Variants in UNK observed in about 807,000 individuals in gnomAD.
UNK encodes the protein unk zinc finger.
A neutral mutation model predicts 97.6 loss-of-function variants in UNK; 32 were observed. The observed-to-expected ratio is 0.33, with a 90% CI of 0.25 to 0.44. The LOEUF is 0.44. Among genes scored for constraint, UNK ranks in the 20% least tolerant of loss-of-function variants. The pLI is 1.00. For missense variants in UNK, 771 were observed against 1,098.4 expected (o/e 0.70, Z 4.21); for synonymous variants, 441 against 461.2 (o/e 0.96, Z 0.56).
chr17:75,791,833 ACAAAGACT>A, intron 1 of UNK: 1 of 985,432 alleles, frequency 1.0e-6, no homozygotes, highest in Non-Finnish European at 1.2e-6. Context: ...CTATCATCCT[ACAAAGACT>A]GTGACTTATT....
At position 75,818,849 on chromosome 17, in the gene UNK, A is replaced by G; in HGVS notation, c.1546+33A>G. 6.5e-7 allele frequency: 1 copy of G among 1,534,526 alleles called. No homozygotes were observed. The highest frequency in any genetic ancestry group is 8.8e-7 in the Non-Finnish European group (1 of 1,136,518). On this transcript the variant is annotated intron_variant, in intron 11 of 15. Coordinates refer to ENST00000589666, the MANE Select transcript of UNK (RefSeq NM_001080419.3). The surrounding 1 kb of genome is among the most constrained non-coding windows in gnomAD (Gnocchi z 5.1). ...GGCCATTTCTGTTTGAAAGCCCAGGACTGGGTCTGGGGTCAGAGACCCCCC... is the reference window on the plus strand; with the variant it reads ...GGCCATTTCTGTTTGAAAGCCCAGGGCTGGGTCTGGGGTCAGAGACCCCCC...
intron 6 of UNK, among the ~76,000 whole-genome samples, chr17:75,814,336 A>G (rs1404970216): frequency 2.0e-5 from 3 of 151,932 alleles, no homozygotes; most frequent in Admixed American, 2.0e-4. Context: ...TACTAAATGT[A>G]CAAAAATTAG....
chr17:75,816,388 C>T lies in UNK; in HGVS notation c.962-382C>T, dbSNP rs1021922846. On this transcript the variant is annotated intron_variant, in intron 7 of 15. Transcript: ENST00000589666. This position sits in a 1 kb window ranked among gnomAD's most constrained non-coding sequence, Gnocchi z 4.0. ...GGTCCCCGGCCATGGGCATTGGGACCGCCTGGCTGAGACGGCATAAGGAAG... is the reference window on the plus strand; with the variant it reads ...GGTCCCCGGCCATGGGCATTGGGACTGCCTGGCTGAGACGGCATAAGGAAG... 6.6e-6 allele frequency among the ~76,000 whole-genome samples: 1 copy of T among 152,160 alleles called. No homozygotes were observed. The highest frequency in any genetic ancestry group is 1.5e-5 in the Non-Finnish European group (1 of 68,036).
chr17:75,791,336 C>T (rs1013014484), intron 1 of UNK, among the ~76,000 whole-genome samples: 12 of 152,188 alleles, frequency 7.9e-5, no homozygotes, highest in Admixed American at 3.3e-4. Context: ...TTATGTATTA[C>T]GTAAATGTCA....
chr17:75,785,033 C>G (rs2061693925), intron 1 of UNK, 49 bp downstream of exon 1: 2 of 1,300,530 alleles, frequency 1.5e-6, no homozygotes, highest in East Asian at 6.1e-5. Flanking sequence ...CTGACGTCAG[C>G]GGCCAGCGTG....
intron 1 of UNK, among the ~76,000 whole-genome samples, chr17:75,796,545 T>G (rs2143699562): frequency 6.6e-6 from 1 of 152,324 alleles, no homozygotes; most frequent in East Asian, 1.9e-4. Flanking sequence ...CAGGCTGGTC[T>G]GGAACTTCTG....
Position 75,818,788 on chromosome 17 carries a change from C to A in UNK, c.1518C>A (p.Pro506=). The change falls in exon 11 of 16, where the codon CCC becomes CCA. Residue 506 remains proline (P), a synonymous_variant. Transcript: ENST00000589666. The surrounding 1 kb of genome is among the most constrained non-coding windows in gnomAD (Gnocchi z 5.1). ...GMNANALPFY[P]TSDTVESVIE... ...ATGCAAACGCTCTGCCCTTCTACCC[C>A]ACCAGCGACACGGTAGAGTCAGTCA... The A allele has an allele frequency of 6.2e-7, 1 of 1,610,456 alleles. No homozygotes were observed. Among genetic ancestry groups the A allele is most frequent in the Non-Finnish European group, 8.5e-7 (1 of 1,178,062 alleles).
At chr17:75,799,863 T>C (rs2061839508) in intron 1 of UNK, among the ~76,000 whole-genome samples, 1 of 152,050 alleles carries the variant, frequency 6.6e-6, no homozygotes, top group South Asian at 2.1e-4. Flanking sequence ...AGGTCACCTG[T>C]AATCCCAGCA....
At chr17:75,821,005 G>A (rs2143825020) in intron 13 of UNK, among the ~76,000 whole-genome samples, 1 of 151,358 alleles carries the variant, frequency 6.6e-6, no homozygotes, top group East Asian at 1.9e-4. Flanking sequence ...AGCTTTAGGT[G>A]CTTGGTGTTG....
Position 75,819,636 on chromosome 17 carries a change from G to A in UNK, c.1547-48G>A, listed in dbSNP as rs923569068. On this transcript the variant is annotated intron_variant, in intron 11 of 15. Transcript: ENST00000589666. The surrounding 1 kb of genome is among the most constrained non-coding windows in gnomAD (Gnocchi z 5.4). ...GTGGGCAGTAGACGAGGTGGTCAGGGTCAGATAGTCCCTCGGGAGGTCACA... is the reference window on the plus strand; with the variant it reads ...GTGGGCAGTAGACGAGGTGGTCAGGATCAGATAGTCCCTCGGGAGGTCACA... 1.3e-6 allele frequency: 2 copies of A among 1,580,024 alleles called. No individual in the cohort carries two copies. The highest frequency in any genetic ancestry group is 1.3e-5 in the African/African-American group (1 of 74,264).
chr17:75,793,705 T>G (rs2061781497), intron 1 of UNK: 1 of 985,340 alleles, frequency 1.0e-6, no homozygotes, highest in Non-Finnish European at 1.2e-6. Context: ...ATAAGTTGAC[T>G]CATTTGTTTC....
chr17:75,821,542 C>A (rs1384146290), intron 13 of UNK: 1 of 450,308 alleles, frequency 2.2e-6, no homozygotes, highest in Admixed American at 2.4e-5. Flanking sequence ...ATGGCTCAGA[C>A]AGTGCATGCC....
At chr17:75,805,681 C>G (rs1177058115) in intron 1 of UNK, among the ~76,000 whole-genome samples, 1 of 151,710 alleles carries the variant, frequency 6.6e-6, no homozygotes, top group African/African-American at 2.4e-5. Flanking sequence ...CGCCTATAGT[C>G]CAGCTACTCC....
intron 1 of UNK, among the ~76,000 whole-genome samples, chr17:75,797,044 T>C (rs1333970348): frequency 6.6e-6 from 1 of 152,186 alleles, no homozygotes; most frequent in Non-Finnish European, 1.5e-5. Context: ...CATTTGAGCC[T>C]TTGGATACTA....
At chr17:75,787,042 A>G (rs2061718801) in intron 1 of UNK, among the ~76,000 whole-genome samples, 1 of 152,068 alleles carries the variant, frequency 6.6e-6, no homozygotes. Flanking sequence ...GTGTGTTTTT[A>G]TATTTGTATT....
intron 1 of UNK, among the ~76,000 whole-genome samples, chr17:75,794,623 A>G (rs1001419749): frequency 6.7e-6 from 1 of 149,646 alleles, no homozygotes; most frequent in African/African-American, 2.5e-5. Flanking sequence ...GGGCAACAAG[A>G]GTGAAACTCC....
chr17:75,804,819 C>T (rs546418221), intron 1 of UNK, among the ~76,000 whole-genome samples: 1 of 149,192 alleles, frequency 6.7e-6, no homozygotes, highest in South Asian at 2.1e-4. Context: ...CCAGCCTGGT[C>T]AACAGAGCGA....
At chr17:75,787,063 A>C (rs1200298940) in intron 1 of UNK, among the ~76,000 whole-genome samples, 1 of 152,174 alleles carries the variant, frequency 6.6e-6, no homozygotes, top group Non-Finnish European at 1.5e-5. Context: ...TCCAAAAATC[A>C]GAGATAGAAA....
At chr17:75,821,749 C>T (rs1254463943) in intron 13 of UNK, 1 of 456,286 alleles carries the variant, frequency 2.2e-6, no homozygotes, top group Non-Finnish European at 4.4e-6. Flanking sequence ...AAGCCCGGGG[C>T]TGCCCTGGGG....
Sources: gnomAD v4.1 joint callset for allele counts (sites outside exome capture counted in the v4.1 genomes callset) on GRCh38, gnomAD v4.1.1 for gene constraint, Gnocchi (gnomAD v3.1) non-coding constraint, MANE v1.5 for transcripts, NCBI Gene and HGNC (gene_info 2026-07-23, HGNC 2026-07-21) for gene names.